The following CNTNAP5 variants were observed in gnomAD, a reference collection of about 807,000 sequenced individuals.
CNTNAP5 encodes the protein contactin associated protein family member 5.
CNTNAP5 carries 72 observed loss-of-function variants against 150.2 expected under a neutral mutation model. The ratio of observed to expected loss-of-function variants is 0.48; its 90% confidence interval spans 0.40 to 0.58. The LOEUF (loss-of-function observed/expected upper bound fraction) is 0.58. Among genes scored for constraint, CNTNAP5 ranks in the 20% least tolerant of loss-of-function variants. CNTNAP5 has a pLI of 0.00. For missense variants in CNTNAP5, 1,636 were observed against 1,626.2 expected (o/e 1.01, Z -0.10); for synonymous variants, 672 against 619.8 (o/e 1.08, Z -1.25).
intron 3 of CNTNAP5, among the ~76,000 whole-genome samples, chr2:124,305,150 A>T (rs1228716021): frequency 2.0e-5 from 3 of 149,598 alleles, no homozygotes; most frequent in South Asian, 2.1e-4. Flanking sequence ...GTGGTGGCAC[A>T]CACTTCTAGT....
chr2:124,361,830 G>A (rs1321878450), intron 3 of CNTNAP5, among the ~76,000 whole-genome samples: 5 of 152,168 alleles, frequency 3.3e-5, no homozygotes, highest in Non-Finnish European at 5.9e-5. Flanking sequence ...GCTGTGGTGA[G>A]CTCCACCCAG....
In CNTNAP5 at chr2:124,824,696, C is replaced by T. The variant is rs550010104; in HGVS notation, c.3217+26376C>T. 2.6e-5 allele frequency among the ~76,000 whole-genome samples: 4 copies of T among 152,250 alleles called. No individual in the cohort carries two copies. In the South Asian group the frequency reaches 6.2e-4, roughly 24 times the overall value. ...GGAATAATACTGGAGCCACTTTGCT[C>T]CCAGCTGGAAGCAGAGCACGATCAG... On this transcript the variant is annotated intron_variant, in intron 19 of 23. Transcript: ENST00000682447.
chr2:124,139,264 A>G (rs1231891021), intron 1 of CNTNAP5, among the ~76,000 whole-genome samples: 5 of 12,034 alleles, frequency 4.2e-4, no homozygotes. Context: ...TTCTACCCCA[A>G]CACACACACA....
chr2:124,330,694 A>C (rs537215045), intron 3 of CNTNAP5, among the ~76,000 whole-genome samples: 1 of 152,298 alleles, frequency 6.6e-6, no homozygotes, highest in South Asian at 2.1e-4. Context: ...TTTATAAATT[A>C]CCTAGTCTTA....
At chr2:124,521,901 C>A (rs1188388960) in intron 8 of CNTNAP5, among the ~76,000 whole-genome samples, 2 of 152,178 alleles carry the variant, frequency 1.3e-5, no homozygotes, top group Non-Finnish European at 2.9e-5. Context: ...GGCCAGGACA[C>A]AAACCCTGGT....
intron 4 of CNTNAP5, among the ~76,000 whole-genome samples, chr2:124,422,793 C>T (rs1459227708): frequency 6.6e-6 from 1 of 152,186 alleles, no homozygotes; most frequent in African/African-American, 2.4e-5. Context: ...AGACCTAGTT[C>T]TACCTGAGAA....
intron 3 of CNTNAP5, among the ~76,000 whole-genome samples, chr2:124,407,941 T>C (rs913885660): frequency 4.6e-5 from 7 of 151,842 alleles, no homozygotes; most frequent in Non-Finnish European, 8.8e-5. Flanking sequence ...ACGCAGAAGA[T>C]GGGTGATTTC....
At chr2:124,849,823 C>T (rs1016981033) in intron 19 of CNTNAP5, among the ~76,000 whole-genome samples, 1 of 152,146 alleles carries the variant, frequency 6.6e-6, no homozygotes, top group Non-Finnish European at 1.5e-5. Context: ...TAGTCTTTTG[C>T]TCTGGGACGC....
chr2:124,173,252 A>G (rs1583716), intron 1 of CNTNAP5, among the ~76,000 whole-genome samples: 16,177 of 152,256 alleles, frequency 0.11, 1,178 homozygotes, highest in East Asian at 0.34. Context: ...TGAAAATAGA[A>G]CAACTAATAA....
intron 3 of CNTNAP5, among the ~76,000 whole-genome samples, chr2:124,338,660 A>C (rs1030385166): frequency 9.2e-5 from 14 of 152,276 alleles, no homozygotes; most frequent in South Asian, 6.2e-4. Flanking sequence ...TTTCTTTAGA[A>C]AAAATTTCCT....
At chr2:124,381,213 A>T (rs1464756803) in intron 3 of CNTNAP5, among the ~76,000 whole-genome samples, 1 of 152,190 alleles carries the variant, frequency 6.6e-6, no homozygotes, top group African/African-American at 2.4e-5. Context: ...AAGTAGCCAC[A>T]AGTCATGTGG....
intron 6 of CNTNAP5, among the ~76,000 whole-genome samples, chr2:124,449,463 G>T (rs1231499756): frequency 6.6e-6 from 1 of 152,088 alleles, no homozygotes; most frequent in East Asian, 1.9e-4. Context: ...CCAGAAGATG[G>T]TTCTAAAATT....
intron 1 of CNTNAP5, among the ~76,000 whole-genome samples, chr2:124,206,414 AC>A: frequency 6.6e-6 from 1 of 152,152 alleles, no homozygotes; most frequent in African/African-American, 2.4e-5. Flanking sequence ...GCAAAGGGAA[AC>A]CCTTGTCAAC....
At chr2:124,233,062 A>G (rs1428603459) in intron 2 of CNTNAP5, among the ~76,000 whole-genome samples, 1 of 151,618 alleles carries the variant, frequency 6.6e-6, no homozygotes, top group Non-Finnish European at 1.5e-5. Flanking sequence ...TTTCATTACA[A>G]AAGGATTAAA....
intron 5 of CNTNAP5, among the ~76,000 whole-genome samples, chr2:124,436,513 G>A (rs1441468589): frequency 6.6e-6 from 1 of 152,276 alleles, no homozygotes. Context: ...TGAAAACCAA[G>A]AGCACTGTAA....
At chr2:124,738,100 A>T (rs1442760212) in intron 13 of CNTNAP5, among the ~76,000 whole-genome samples, 2 of 152,004 alleles carry the variant, frequency 1.3e-5, no homozygotes, top group African/African-American at 2.4e-5. Context: ...CTTTTCATTC[A>T]TTATTTTTTT....
Position 124,400,895 on chromosome 2 carries a change from C to T in CNTNAP5, c.382-16548C>T, listed in dbSNP as rs534885895. Among the ~76,000 whole-genome samples, 135 of 151,304 alleles carry T rather than the reference C, an allele frequency of 8.9e-4. 2 individuals carry two copies. The highest frequency in any genetic ancestry group is 4.9e-4 in the Non-Finnish European group (33 of 67,826). On this transcript the variant is annotated intron_variant, in intron 3 of 23. Coordinates refer to ENST00000682447, the MANE Select transcript of CNTNAP5 (RefSeq NM_001367498.1). Reference sequence around the variant, plus strand: ...TTTTTTATTACTTTTTTTTTGAGACCGAGTCTCGCTCTGTTGCCCAGGCTG... The same window carrying T: ...TTTTTTATTACTTTTTTTTTGAGACTGAGTCTCGCTCTGTTGCCCAGGCTG...
At chr2:124,523,333 CTATT>C (rs1157113671) in intron 8 of CNTNAP5, among the ~76,000 whole-genome samples, 4 of 152,154 alleles carry the variant, frequency 2.6e-5, no homozygotes, top group Non-Finnish European at 4.4e-5. Context: ...CAATAAATGA[CTATT>C]TACAATTTAG....
At chr2:124,661,054 A>G (rs562505065) in intron 13 of CNTNAP5, among the ~76,000 whole-genome samples, 4 of 137,576 alleles carry the variant, frequency 2.9e-5, no homozygotes, top group Non-Finnish European at 4.4e-5. Context: ...GGTGAGGCAG[A>G]GAGGGAATGA....
Sources: gnomAD v4.1 joint callset for allele counts (sites outside exome capture counted in the v4.1 genomes callset) on GRCh38, gnomAD v4.1.1 for gene constraint, MANE v1.5 for transcripts, NCBI Gene and HGNC (gene_info 2026-07-23, HGNC 2026-07-21) for gene names.